SCAI: variants seen among roughly 807,000 people sequenced by gnomAD.
The protein encoded by SCAI is protein SCAI.
A neutral mutation model predicts 92.2 loss-of-function variants in SCAI; 24 were observed. That is an observed-to-expected ratio of 0.26 (90% CI 0.19 to 0.37). The LOEUF is 0.37. SCAI is among the 10% of genes least tolerant of loss of function. The pLI is 1.00. For missense variants in SCAI, 450 were observed against 736.2 expected (o/e 0.61, Z 4.50); for synonymous variants, 261 against 258.6 (o/e 1.01, Z -0.09).
chr9:125,137,556 T>G (rs547997582), intron 2 of SCAI, among the ~76,000 whole-genome samples: 2 of 152,192 alleles, frequency 1.3e-5, no homozygotes, highest in South Asian at 4.1e-4. Flanking sequence ...CCGTGGAGAC[T>G]GTTCACTGGC....
chr9:125,113,753 G>A (rs932022051), intron 2 of SCAI, among the ~76,000 whole-genome samples: 3 of 149,698 alleles, frequency 2.0e-5, no homozygotes, highest in Admixed American at 6.7e-5. Flanking sequence ...ACCTGAGGTC[G>A]GGAATTCGAG....
chr9:125,083,371 A>T (rs1044247162), intron 2 of SCAI, among the ~76,000 whole-genome samples: 3 of 152,000 alleles, frequency 2.0e-5, no homozygotes, highest in African/African-American at 7.2e-5. Context: ...TACAAAAATT[A>T]GCTGGGTGTG....
At chr9:125,014,378 A>G (rs1299508152) in intron 9 of SCAI, among the ~76,000 whole-genome samples, 2 of 152,216 alleles carry the variant, frequency 1.3e-5, no homozygotes, top group Non-Finnish European at 2.9e-5. Context: ...GCATTCTTAT[A>G]CACCAATAAC....
At chr9:125,064,182 C>A in intron 2 of SCAI, among the ~76,000 whole-genome samples, 1 of 151,922 alleles carries the variant, frequency 6.6e-6, no homozygotes, top group African/African-American at 2.4e-5. Context: ...AGAACATATC[C>A]CTCAGTAACT....
intron 2 of SCAI, among the ~76,000 whole-genome samples, chr9:125,114,631 G>T (rs1338073518): frequency 6.6e-6 from 1 of 151,876 alleles, no homozygotes; most frequent in Non-Finnish European, 1.5e-5. Flanking sequence ...CCAGAGATAG[G>T]GTCTTGCTCT....
At chr9:125,062,111 A>G (rs1588188355) in intron 2 of SCAI, among the ~76,000 whole-genome samples, 1 of 152,078 alleles carries the variant, frequency 6.6e-6, no homozygotes, top group East Asian at 1.9e-4. Context: ...AAGTCAGGAA[A>G]GCATGCCTTA....
Position 124,943,310 on chromosome 9 carries a change from G to C in SCAI, c.*9497C>G, listed in dbSNP as rs1337695036. On this transcript the variant is annotated 3_prime_UTR_variant, in exon 18 of 18. Transcript: ENST00000336505. ...ATGAATCCAAACAGTTTTGCTAACG[G>C]GGCTGAGTTGATGGATTTTTTTCTA... 6.6e-6 allele frequency: 1 copy of C among 152,122 alleles called. No individual in the cohort carries two copies. The highest frequency in any genetic ancestry group is 1.5e-5 in the Non-Finnish European group (1 of 68,018). 9.4% of individuals were successfully genotyped at this position (152,122 alleles called of 1,614,324 possible). A position where few individuals can be genotyped will look rare whatever the true frequency, so the allele number is the denominator to read the frequency against.
intron 2 of SCAI, among the ~76,000 whole-genome samples, chr9:125,132,552 C>T (rs1241318718): frequency 6.6e-6 from 1 of 152,180 alleles, no homozygotes; most frequent in African/African-American, 2.4e-5. Context: ...GCAAAACACC[C>T]ATATTTTTAA....
intron 13 of SCAI, among the ~76,000 whole-genome samples, chr9:124,995,808 T>C (rs1373054601): frequency 6.6e-6 from 1 of 152,108 alleles, no homozygotes; most frequent in Admixed American, 6.6e-5. Context: ...ACCATATGTT[T>C]CCTCTAAACA....
intron 2 of SCAI, among the ~76,000 whole-genome samples, chr9:125,106,112 A>AAAAAAT (rs1554791703): frequency 3.1e-4 from 15 of 48,538 alleles, no homozygotes; most frequent in Admixed American, 1.1e-3. Flanking sequence ...AAAAAAAAAA[A>AAAAAAT]AAAAAAAAAA....
intron 15 of SCAI, among the ~76,000 whole-genome samples, chr9:124,973,803 G>A (rs560745085): frequency 7.2e-6 from 1 of 138,440 alleles, no homozygotes; most frequent in African/African-American, 3.1e-5. Context: ...ATCTAGCCTG[G>A]GCGACAGTGC....
At chr9:125,022,958 TAATTA>T (rs953913236) in intron 6 of SCAI, among the ~76,000 whole-genome samples, 10 of 152,076 alleles carry the variant, frequency 6.6e-5, no homozygotes, top group Admixed American at 6.6e-4. Flanking sequence ...TTACACATTC[TAATTA>T]TAGTTTTCTG....
At chr9:125,098,687 T>C (rs1252006061) in intron 2 of SCAI, among the ~76,000 whole-genome samples, 2 of 152,180 alleles carry the variant, frequency 1.3e-5, no homozygotes, top group Non-Finnish European at 2.9e-5. Flanking sequence ...GGGGGTCAGA[T>C]GTGTGACAGA....
At chr9:124,953,872 A>G (rs543965706) in intron 17 of SCAI, among the ~76,000 whole-genome samples, 2 of 152,172 alleles carry the variant, frequency 1.3e-5, no homozygotes, top group Non-Finnish European at 2.9e-5. Context: ...ACACATTACA[A>G]AAATAAATTT....
At chr9:125,065,907 C>A in intron 2 of SCAI, 2 of 670,884 alleles carry the variant, frequency 3.0e-6, no homozygotes, top group Middle Eastern at 2.4e-4. Flanking sequence ...AAAAAGAAAC[C>A]AACTCAGCAA....
intron 3 of SCAI, among the ~76,000 whole-genome samples, chr9:125,033,354 A>G (rs1833122832): frequency 6.6e-6 from 1 of 152,198 alleles, no homozygotes; most frequent in African/African-American, 2.4e-5. Context: ...AATAAAATAT[A>G]TAAGAGAAGC....
chr9:125,092,668 C>G (rs751106354), intron 2 of SCAI, among the ~76,000 whole-genome samples: 42 of 152,220 alleles, frequency 2.8e-4, no homozygotes, highest in Non-Finnish European at 5.3e-4. Flanking sequence ...ATCAGCCCAT[C>G]AACTGTTCTC....
At chr9:125,047,661 G>A (rs775348764) in intron 3 of SCAI, among the ~76,000 whole-genome samples, 16 of 152,140 alleles carry the variant, frequency 1.1e-4, no homozygotes, top group Non-Finnish European at 2.2e-4. Context: ...TATGAGAACA[G>A]AAACTAAAAC....
chr9:125,052,053 A>G (rs968829348), intron 3 of SCAI, among the ~76,000 whole-genome samples: 1 of 152,202 alleles, frequency 6.6e-6, no homozygotes, highest in African/African-American at 2.4e-5. Context: ...TCTCAAAAAA[A>G]TTAATTAAAA....
Sources: allele counts gnomAD v4.1 joint callset (sites outside exome capture counted in the v4.1 genomes callset), GRCh38; gene constraint gnomAD v4.1.1; transcripts MANE v1.5; gene names NCBI Gene and HGNC (gene_info 2026-07-23, HGNC 2026-07-21).